The following CMIP variants were observed in gnomAD, a reference collection of about 807,000 sequenced individuals.
CMIP encodes c-Maf inducing protein.
Under a neutral mutation model 97.3 loss-of-function variants are expected in CMIP, and 13 were observed. That is an observed-to-expected ratio of 0.13 (90% CI 0.09 to 0.21). The LOEUF is 0.21. Ranked by LOEUF, CMIP falls within the 10% of genes least tolerant of loss-of-function variation. The pLI, the probability that CMIP is intolerant of heterozygous loss-of-function variation, is 1.00. For missense variants in CMIP, 847 were observed against 1,024.9 expected, an observed-to-expected ratio of 0.83 and a Z score of 2.37; for synonymous variants, 538 against 436.3, an observed-to-expected ratio of 1.23 and a Z score of -2.91.
chr16:81,692,349 G>T (rs1597257261), intron 11 of CMIP, among the ~76,000 whole-genome samples: 3 of 152,206 alleles, frequency 2.0e-5, no homozygotes, highest in Admixed American at 1.3e-4. Context: ...CAGACCCTCT[G>T]CCTCTCTCTT....
At chr16:81,454,851 C>T (rs1906449000) in intron 1 of CMIP, among the ~76,000 whole-genome samples, 1 of 152,112 alleles carries the variant, frequency 6.6e-6, no homozygotes, top group Non-Finnish European at 1.5e-5. Flanking sequence ...TTGTAGGAGA[C>T]AGGCATCTGG....
intron 10 of CMIP, among the ~76,000 whole-genome samples, chr16:81,683,609 C>T (rs558960741): frequency 6.6e-5 from 10 of 152,098 alleles, no homozygotes; most frequent in African/African-American, 2.2e-4. Context: ...AGGCTGGTCT[C>T]GAACTCCTGA....
At chr16:81,650,453 G>A (rs974327324) in intron 3 of CMIP, among the ~76,000 whole-genome samples, 2 of 152,160 alleles carry the variant, frequency 1.3e-5, no homozygotes, top group Non-Finnish European at 2.9e-5. Flanking sequence ...GAGAGGAGAA[G>A]GGAGAGATGA....
chr16:81,709,260 T>C (rs187763182), intron 20 of CMIP, among the ~76,000 whole-genome samples: 26 of 152,268 alleles, frequency 1.7e-4, no homozygotes, highest in Non-Finnish European at 3.2e-4. Flanking sequence ...GATGAGAATA[T>C]CACTAACAGT....
chr16:81,565,913 G>A (rs185810520), intron 1 of CMIP, among the ~76,000 whole-genome samples: 1 of 152,300 alleles, frequency 6.6e-6, no homozygotes, highest in African/African-American at 2.4e-5. Context: ...TGTCACGGGG[G>A]GACATGCCCC....
At chr16:81,676,582 C>G (rs995247919) in intron 9 of CMIP, among the ~76,000 whole-genome samples, 1 of 152,208 alleles carries the variant, frequency 6.6e-6, no homozygotes, top group Non-Finnish European at 1.5e-5. Flanking sequence ...GGTCTCCCCC[C>G]ATCACAGACC....
intron 3 of CMIP, among the ~76,000 whole-genome samples, chr16:81,642,699 C>G (rs993302553): frequency 6.6e-6 from 1 of 152,152 alleles, no homozygotes; most frequent in Non-Finnish European, 1.5e-5. Context: ...AGTTCGAGAC[C>G]AGCCTGGTCA....
intron 10 of CMIP, among the ~76,000 whole-genome samples, chr16:81,683,824 C>T (rs572237448): frequency 3.6e-4 from 49 of 136,204 alleles, no homozygotes; most frequent in Non-Finnish European, 6.6e-4. Flanking sequence ...TGCAGTGACG[C>T]GATCTCAGCT....
chr16:81,509,626 C>G (rs143920102), intron 1 of CMIP, among the ~76,000 whole-genome samples: 4 of 152,172 alleles, frequency 2.6e-5, no homozygotes, highest in Non-Finnish European at 5.9e-5. Flanking sequence ...CTGAGCAGGT[C>G]GAGCCAGGGC....
At chr16:81,508,583 A>G (rs1450165215) in intron 1 of CMIP, among the ~76,000 whole-genome samples, 1 of 152,212 alleles carries the variant, frequency 6.6e-6, no homozygotes, top group Non-Finnish European at 1.5e-5. Flanking sequence ...TATATCTTTG[A>G]GACAAATGCA....
chr16:81,653,382 G>C (rs527844149), intron 4 of CMIP, among the ~76,000 whole-genome samples: 2 of 152,368 alleles, frequency 1.3e-5, no homozygotes, highest in South Asian at 2.1e-4. Flanking sequence ...CTGTGGAGTA[G>C]AGAAGGTCCC....
chr16:81,698,659 C>T (rs182225587), intron 14 of CMIP, among the ~76,000 whole-genome samples: 2 of 152,320 alleles, frequency 1.3e-5, no homozygotes, highest in East Asian at 1.9e-4. Flanking sequence ...ACCGTTCAGT[C>T]ACACTGAAGA....
At chr16:81,667,799 A>AGAGAGAGAGAGAGAGAGAGTGTGTGTGT in intron 7 of CMIP, among the ~76,000 whole-genome samples, 14 of 58,134 alleles carry the variant, frequency 2.4e-4, no homozygotes, top group Non-Finnish European at 2.9e-4. Context: ...AGAGAGAGAG[A>AGAGAGAGAGAGAGAGAGAGTGTGTGTGT]GTGTGTGTGT....
At position 81,649,166 on chromosome 16, in the gene CMIP, A is replaced by G. The variant is rs980620720; in HGVS notation, c.478-3037A>G. ...TCATAAGAGCTAGCACTGTGCTGGC[A>G]CATGGTATGTCCTCATGAAATTTTA... On this transcript the variant is annotated intron_variant, in intron 3 of 20. Transcript: ENST00000537098. 1.4e-4 allele frequency among the ~76,000 whole-genome samples: 22 copies of G among 152,266 alleles called. 1 individual carries two copies. The highest frequency in any genetic ancestry group is 1.5e-5 in the Non-Finnish European group (1 of 68,048).
chr16:81,620,831 G>T lies in CMIP; in HGVS notation c.427-45G>T, dbSNP rs575610398. The T allele has an allele frequency of 5.6e-6, 9 of 1,610,884 alleles. No homozygotes were observed. The East Asian group carries it at 6.7e-5, about 12-fold the overall frequency. On this transcript the variant is annotated intron_variant, in intron 2 of 20. Transcript: ENST00000537098. ...TGGCCTTGAAATGCCCTGAGATGCC[G>T]CAAGCTGATGACCGGACCTTGCTGT...
intron 10 of CMIP, among the ~76,000 whole-genome samples, chr16:81,682,331 A>C (rs1415564229): frequency 6.6e-6 from 1 of 152,146 alleles, no homozygotes; most frequent in African/African-American, 2.4e-5. Context: ...TTGGGAGGCC[A>C]AGGCATGCGG....
In CMIP at chr16:81,711,670, CT is replaced by C. The variant is rs1597289053; in HGVS notation, c.*1875del. 2 of 151,022 alleles carry C rather than the reference CT, an allele frequency of 1.3e-5. No individual in the cohort carries two copies. Among genetic ancestry groups the C allele is most frequent in the East Asian group, 3.9e-4 (2 of 5,168 alleles). 9.4% of individuals were successfully genotyped at this position (151,022 alleles called of 1,614,324 possible). A position where few individuals can be genotyped will look rare whatever the true frequency, so the allele number is the denominator to read the frequency against. ...TGCCACCTTTCCCCTCGCACTGTTG[CT>C]TTTCCTGATGGTTAATACTACTGTC... On this transcript the variant is annotated 3_prime_UTR_variant, in exon 21 of 21. Coordinates refer to ENST00000537098, the MANE Select transcript of CMIP (RefSeq NM_198390.3).
At chr16:81,516,314 G>T (rs770693762) in intron 1 of CMIP, among the ~76,000 whole-genome samples, 1 of 152,150 alleles carries the variant, frequency 6.6e-6, no homozygotes, top group Admixed American at 6.5e-5. Flanking sequence ...ATGGAATCGC[G>T]CTTCTCTCCC....
Position 81,699,714 on chromosome 16 carries a change from G to C in CMIP, c.1668G>C (p.Lys556Asn). ...ACATCCTCATGGGCTCCTGTTACAAGACCAAAAAATTCCTGCTCTCCCTGG... is the reference window on the plus strand; with the variant it reads ...ACATCCTCATGGGCTCCTGTTACAACACCAAAAAATTCCTGCTCTCCCTGG... ...MVHILMGSCY[K>N]TKKFLLSLAE... The change falls in exon 15 of 21, where the codon AAG (lysine) becomes AAC (asparagine). Residue 556 changes from lysine (K) to asparagine (N), a missense_variant. Physicochemically the swap from Lys to Asn is moderately conservative, Grantham distance 94 (BLOSUM62 0). This residue lies in a region of CMIP where 266 missense variants were observed against 384.2 expected (regional missense o/e 0.69). Coordinates refer to ENST00000537098, the MANE Select transcript of CMIP (RefSeq NM_198390.3). 6.2e-7 allele frequency: 1 copy of C among 1,613,652 alleles called. No individual in the cohort carries two copies. Among genetic ancestry groups the C allele is most frequent in the Non-Finnish European group, 8.5e-7 (1 of 1,179,732 alleles).
Sources: allele counts gnomAD v4.1 joint callset (sites outside exome capture counted in the v4.1 genomes callset), GRCh38; gene constraint gnomAD v4.1.1; regional missense constraint gnomAD v4.1.1; transcripts MANE v1.5; gene names NCBI Gene and HGNC (gene_info 2026-07-23, HGNC 2026-07-21).